NCKAP5: variants seen among roughly 807,000 people sequenced by gnomAD.
The protein encoded by NCKAP5 is nck-associated protein 5.
In NCKAP5, 92 loss-of-function variants were observed where a neutral mutation model predicts 167.0. That is an observed-to-expected ratio of 0.55 (90% CI 0.47 to 0.66). The LOEUF (loss-of-function observed/expected upper bound fraction) is 0.66, where lower values mean the gene tolerates loss of function less well. Ranked by LOEUF, NCKAP5 falls within the 30% of genes least tolerant of loss-of-function variation. The pLI, the probability that NCKAP5 is intolerant of heterozygous loss-of-function variation, is 0.00. For missense variants in NCKAP5, 2,378 were observed against 2,315.0 expected, an observed-to-expected ratio of 1.03 and a Z score of -0.56; for synonymous variants, 891 against 877.4, an observed-to-expected ratio of 1.02 and a Z score of -0.27.
At chr2:133,533,968 C>A (rs1669463) in intron 2 of NCKAP5, among the ~76,000 whole-genome samples, 29,692 of 151,782 alleles carry the variant, frequency 0.2, 3,596 homozygotes, top group African/African-American at 0.34. Flanking sequence ...TACACACACA[C>A]AAAAAATAAA....
chr2:133,485,022 C>T (rs1680784729), intron 3 of NCKAP5, among the ~76,000 whole-genome samples: 1 of 152,090 alleles, frequency 6.6e-6, no homozygotes, highest in African/African-American at 2.4e-5. Context: ...GAAGTCAAAC[C>T]CTTTCTGGCT....
chr2:132,784,754 G>A lies in NCKAP5; in HGVS notation c.2057C>T (p.Thr686Ile). Residue 686 changes from threonine (T) to isoleucine (I), a missense_variant, in exon 14 of 20, where the codon ACT becomes ATT. Thr to Ile is a moderately conservative substitution (Grantham distance 89). Transcript: ENST00000409261. ...ATTTCTGGTAACAGTGACAACCCCAGTCTGGTGAGAGCTGAATTCAATGGG... is the reference window on the plus strand; with the variant it reads ...ATTTCTGGTAACAGTGACAACCCCAATCTGGTGAGAGCTGAATTCAATGGG... ...GEPIEFSSHQ[T>I]GVVTVTRNEI... 6.2e-7 allele frequency: 1 copy of A among 1,613,660 alleles called. No homozygotes were observed. The highest frequency in any genetic ancestry group is 8.5e-7 in the Non-Finnish European group (1 of 1,179,714).
chr2:133,593,861 C>T, the NCKAP5 span, among the ~76,000 whole-genome samples: 1 of 152,168 alleles, frequency 6.6e-6, no homozygotes, highest in Non-Finnish European at 1.5e-5. Context: ...GGGGATGCAG[C>T]CCTCACTTCC....
chr2:133,016,543 C>T (rs1243503135), intron 6 of NCKAP5, among the ~76,000 whole-genome samples: 1 of 152,152 alleles, frequency 6.6e-6, no homozygotes, highest in African/African-American at 2.4e-5. Context: ...AGAAAATGGT[C>T]TTTTGGAATC....
intron 1 of NCKAP5, among the ~76,000 whole-genome samples, chr2:133,564,942 G>C (rs1374717845): frequency 6.6e-6 from 1 of 152,190 alleles, no homozygotes; most frequent in Non-Finnish European, 1.5e-5. Flanking sequence ...CAGTTGGCAG[G>C]TGTGCCCTCG....
intron 6 of NCKAP5, among the ~76,000 whole-genome samples, chr2:133,068,129 G>A (rs375969776): frequency 1.3e-5 from 2 of 152,130 alleles, no homozygotes; most frequent in African/African-American, 4.8e-5. Context: ...ATCCACTCTA[G>A]TAGTAGATGC....
At chr2:133,149,414 C>A (rs1391513947) in intron 5 of NCKAP5, among the ~76,000 whole-genome samples, 1 of 152,072 alleles carries the variant, frequency 6.6e-6, no homozygotes. Flanking sequence ...TGGCTCCATA[C>A]TTCCCTAAAC....
chr2:133,183,405 G>A (rs1228766574), intron 5 of NCKAP5, among the ~76,000 whole-genome samples: 1 of 152,034 alleles, frequency 6.6e-6, no homozygotes, highest in Non-Finnish European at 1.5e-5. Context: ...AAAGAATTAT[G>A]ACCAAATAGA....
the NCKAP5 span, among the ~76,000 whole-genome samples, chr2:133,632,483 T>C: frequency 6.6e-6 from 1 of 152,224 alleles, no homozygotes; most frequent in Non-Finnish European, 1.5e-5. Context: ...CAATTCTTAA[T>C]GTCAGCTGGC....
chr2:132,692,311 T>TTTG (rs1358836824), intron 19 of NCKAP5, among the ~76,000 whole-genome samples: 1 of 151,784 alleles, frequency 6.6e-6, no homozygotes, highest in Non-Finnish European at 1.5e-5. Flanking sequence ...CCCAGTTAAT[T>TTTG]TTGTTGTTGT....
intron 6 of NCKAP5, among the ~76,000 whole-genome samples, chr2:133,004,672 C>T (rs1370100376): frequency 1.3e-5 from 2 of 152,186 alleles, no homozygotes; most frequent in Non-Finnish European, 2.9e-5. Context: ...TCCCACTGGG[C>T]ACGTATTGTC....
chr2:133,315,408 G>C (rs1681532278), intron 3 of NCKAP5, among the ~76,000 whole-genome samples: 1 of 152,152 alleles, frequency 6.6e-6, no homozygotes, highest in African/African-American at 2.4e-5. Flanking sequence ...CTATTTTGGG[G>C]TAAATTTGTG....
intron 7 of NCKAP5, among the ~76,000 whole-genome samples, chr2:132,980,465 A>C (rs902531239): frequency 2.0e-5 from 3 of 152,172 alleles, no homozygotes; most frequent in African/African-American, 7.2e-5. Context: ...GGCACAGCCA[A>C]ATTTGAGAGT....
intron 11 of NCKAP5, among the ~76,000 whole-genome samples, chr2:132,814,017 T>C (rs993120061): frequency 2.6e-5 from 4 of 152,218 alleles, no homozygotes; most frequent in African/African-American, 9.6e-5. Context: ...CAGCTCAATG[T>C]CCTGGTTTTA....
In NCKAP5 at chr2:133,115,105, G is replaced by A. The variant is rs545617692; in HGVS notation, c.341+14873C>T. ...TTATCAATTTTGAAAATAAAAAGTT[G>A]GTTTCCTAGAATCCCCTAAAGGTTT... On this transcript the variant is annotated intron_variant, in intron 6 of 19. Transcript: ENST00000409261. 2.6e-5 allele frequency among the ~76,000 whole-genome samples: 4 copies of A among 152,106 alleles called. No individual in the cohort carries two copies. In the South Asian group the frequency reaches 8.3e-4, roughly 32 times the overall value.
intron 11 of NCKAP5, among the ~76,000 whole-genome samples, chr2:132,819,984 A>G (rs1217915773): frequency 1.3e-5 from 2 of 152,104 alleles, no homozygotes; most frequent in African/African-American, 4.8e-5. Context: ...AGGTAGTTTC[A>G]AGGCTTTTAT....
At chr2:133,490,540 C>T (rs1430810175) in intron 3 of NCKAP5, among the ~76,000 whole-genome samples, 1 of 152,170 alleles carries the variant, frequency 6.6e-6, no homozygotes, top group Non-Finnish European at 1.5e-5. Context: ...TAAGGAAAGA[C>T]AAGAACAGAA....
intron 15 of NCKAP5, among the ~76,000 whole-genome samples, chr2:132,774,771 G>T (rs567509272): frequency 6.6e-6 from 1 of 152,316 alleles, no homozygotes; most frequent in South Asian, 2.1e-4. Flanking sequence ...TACTGGGCAG[G>T]TGCTGTTTGC....
intron 4 of NCKAP5, among the ~76,000 whole-genome samples, chr2:133,294,075 C>G (rs1330095222): frequency 6.6e-6 from 1 of 152,188 alleles, no homozygotes; most frequent in Non-Finnish European, 1.5e-5. Flanking sequence ...GCTTTTATTG[C>G]TATTACAGAG....
Sources: gnomAD v4.1 joint callset for allele counts (sites outside exome capture counted in the v4.1 genomes callset) on GRCh38, gnomAD v4.1.1 for gene constraint, MANE v1.5 for transcripts, NCBI Gene and HGNC (gene_info 2026-07-23, HGNC 2026-07-21) for gene names.